Variants in ACSM2A observed in about 807,000 individuals in gnomAD.
The protein encoded by ACSM2A is acyl-CoA synthetase medium chain family member 2A, also known as acyl-coenzyme A synthetase ACSM2A, mitochondrial.
A neutral mutation model predicts 76.6 loss-of-function variants in ACSM2A; 72 were observed. The observed-to-expected ratio is 0.94, with a 90% confidence interval of 0.78 to 1.14. The LOEUF (loss-of-function observed/expected upper bound fraction) is 1.14. Ranked by LOEUF, ACSM2A falls within the 50% of genes most tolerant of loss-of-function variation. ACSM2A has a pLI of 0.00. For missense variants in ACSM2A, 684 were observed against 708.5 expected (o/e 0.97, Z 0.39); for synonymous variants, 249 against 255.9 (o/e 0.97, Z 0.26).
rs2014039558 is a variant in ACSM2A, at chr16:20,480,813, C to A, written c.1410-9C>A. On this transcript the variant is annotated splice_polypyrimidine_tract_variant and intron_variant, in intron 11 of 13. Transcript: ENST00000573854. ...TCCAGTGTTCTCTGAAGGACAGGTT[C>A]TTCTGCAGGTACCGGATTGGACCCT... 6.2e-7 allele frequency: 1 copy of A among 1,613,914 alleles called. No homozygotes were observed. The highest frequency in any genetic ancestry group is 8.5e-7 in the Non-Finnish European group (1 of 1,179,854).
At chr16:20,473,219 T>A (rs1333106724) in intron 6 of ACSM2A, among the ~76,000 whole-genome samples, 1 of 152,166 alleles carries the variant, frequency 6.6e-6, no homozygotes, top group Non-Finnish European at 1.5e-5. Flanking sequence ...TCAGGTGTGA[T>A]CTGGATTTTC....
At position 20,469,600 on chromosome 16, in the gene ACSM2A, T is replaced by C. The variant is rs1167525733; in HGVS notation, c.477T>C (p.Ala159=). ...TGTCTAAGGCCAAGGCTATTGTTGC[T>C]GGGGATGAAGTCATCCAAGAAGTGG... ...LQMSKAKAIV[A]GDEVIQEVDT... The change falls in exon 4 of 14, where the codon GCT becomes GCC. Residue 159 remains alanine, a synonymous_variant. Coordinates refer to ENST00000573854, the MANE Select transcript of ACSM2A (RefSeq NM_001308172.2). The C allele has an allele frequency of 1.9e-6, 3 of 1,613,820 alleles. No homozygotes were observed. In the African/African-American group the frequency reaches 4.0e-5, roughly 22 times the overall value.
chr16:20,486,698 T>C lies in ACSM2A; in HGVS notation c.*20T>C, dbSNP rs1312087729. The C allele has an allele frequency of 3.7e-6, 6 of 1,612,988 alleles. No homozygotes were observed. Among genetic ancestry groups the C allele is most frequent in the Non-Finnish European group, 5.1e-6 (6 of 1,178,994 alleles). On this transcript the variant is annotated 3_prime_UTR_variant, in exon 14 of 14. Coordinates refer to ENST00000573854, the MANE Select transcript of ACSM2A (RefSeq NM_001308172.2). ...CAGTGAGACATCTAAGAGACATTCA[T>C]TTGGATTCCCCTCTTCTTTCTCTTT...
chr16:20,471,493 A>G (rs368393182), intron 5 of ACSM2A, 43 bp from the exon 6 acceptor site: 59 of 1,582,674 alleles, frequency 3.7e-5, no homozygotes, highest in Non-Finnish European at 4.7e-5. Context: ...CATCCTAAGC[A>G]TGCACCCACC....
intron 6 of ACSM2A, among the ~76,000 whole-genome samples, chr16:20,474,744 T>C (rs551826674): frequency 6.6e-6 from 1 of 152,150 alleles, no homozygotes; most frequent in Non-Finnish European, 1.5e-5. Flanking sequence ...ATCATGGGTT[T>C]CCCCTCTGTA....
chr16:20,475,221 C>T (rs1302956899), intron 6 of ACSM2A, 141 bp from the exon 7 acceptor site: 1 of 1,542,610 alleles, frequency 6.5e-7, no homozygotes, highest in Admixed American at 1.9e-5. Flanking sequence ...GCTCATTTAA[C>T]CTGAATCAGA....
intron 1 of ACSM2A, among the ~76,000 whole-genome samples, chr16:20,456,031 C>T (rs2012133339): frequency 6.7e-6 from 1 of 149,168 alleles, no homozygotes; most frequent in Non-Finnish European, 1.5e-5. Context: ...ACTTTAAAGC[C>T]ACAGCAGTTA....
chr16:20,461,957 A>G (rs2012649863), intron 2 of ACSM2A, among the ~76,000 whole-genome samples: 4 of 152,156 alleles, frequency 2.6e-5, no homozygotes, highest in Admixed American at 1.3e-4. Context: ...ATTGCTTAGG[A>G]ATGAAATTAT....
chr16:20,482,799 T>C (rs528592611), intron 12 of ACSM2A: 53 of 321,788 alleles, frequency 1.6e-4, no homozygotes, highest in African/African-American at 9.0e-4. Flanking sequence ...TCTTTCTCCT[T>C]ATCTGTCTCT....
At chr16:20,462,406 A>T (rs1047408218) in intron 2 of ACSM2A, among the ~76,000 whole-genome samples, 3 of 152,176 alleles carry the variant, frequency 2.0e-5, no homozygotes, top group Non-Finnish European at 4.4e-5. Context: ...GTTAAATTAT[A>T]AACTAAATTC....
rs112008541 is a variant in ACSM2A at position 20,455,178 on chromosome 16, C to A, written c.-9+3497C>A. ...AATGATCAAATCTAAGAATAATTGG[C>A]ATCCTTGAGATAGAAGAGACATCTA... On this transcript the variant is annotated intron_variant, in intron 1 of 13. Transcript: ENST00000573854. 8.7e-3 allele frequency among the ~76,000 whole-genome samples: 1,319 copies of A among 151,352 alleles called. 12 individuals carry two copies. The highest frequency in any genetic ancestry group is 0.028 in the African/African-American group (1,174 of 41,248).
At chr16:20,459,524 C>A (rs2012472991) in intron 1 of ACSM2A, among the ~76,000 whole-genome samples, 1 of 152,180 alleles carries the variant, frequency 6.6e-6, no homozygotes, top group South Asian at 2.1e-4. Context: ...CAGCTCAACT[C>A]CACATTTCTT....
chr16:20,483,127 C>G lies in ACSM2A; in HGVS notation c.1579C>G (p.Leu527Val). The change falls in exon 13 of 14, where the codon CTG becomes GTG. Residue 527 changes from leucine (L) to valine (V), a missense_variant. By Grantham distance (32) the Leu-to-Val change is conservative (BLOSUM62 1). Coordinates refer to ENST00000573854, the MANE Select transcript of ACSM2A (RefSeq NM_001308172.2). Reference protein sequence around the residue: ...SHDPEQLTKELQQHVKSVTAP... With the variant: ...SHDPEQLTKEVQQHVKSVTAP... The stretch of plus-strand genomic sequence containing the variant: ...TGACCCAGAACAGCTCACCAAGGAG[C>G]TGCAGCAGCATGTGAAGTCAGTGAC... 6.2e-7 allele frequency: 1 copy of G among 1,614,080 alleles called. No individual in the cohort carries two copies. Among genetic ancestry groups the G allele is most frequent in the South Asian group, 1.1e-5 (1 of 91,080 alleles).
At chr16:20,478,048 C>G (rs770591546) in intron 9 of ACSM2A, among the ~76,000 whole-genome samples, 6 of 152,206 alleles carry the variant, frequency 3.9e-5, no homozygotes, top group Admixed American at 6.5e-5. Context: ...AACTTAGACT[C>G]TATTCAGTGT....
At chr16:20,470,592 T>A (rs1349858601) in intron 4 of ACSM2A, among the ~76,000 whole-genome samples, 5 of 152,266 alleles carry the variant, frequency 3.3e-5, no homozygotes, top group Middle Eastern at 3.4e-3. Context: ...ATCAGGACAC[T>A]GGAGATGTCC....
intron 1 of ACSM2A, among the ~76,000 whole-genome samples, chr16:20,456,346 C>T (rs2141681338): frequency 7.2e-6 from 1 of 138,864 alleles, no homozygotes; most frequent in Non-Finnish European, 1.5e-5. Flanking sequence ...CCATGGAATA[C>T]ACATTTTATT....
chr16:20,460,620 G>T (rs1162142651), intron 2 of ACSM2A, among the ~76,000 whole-genome samples: 1 of 150,710 alleles, frequency 6.6e-6, no homozygotes, highest in Non-Finnish European at 1.5e-5. Context: ...TAGAAGAGGC[G>T]GGTTTGAATC....
chr16:20,482,539 A>T (rs1053285922), intron 12 of ACSM2A: 1 of 157,744 alleles, frequency 6.3e-6, no homozygotes, highest in African/African-American at 2.4e-5. Context: ...TGGTACGTAC[A>T]GAATACATCA....
chr16:20,457,266 C>T (rs1228401474), intron 1 of ACSM2A, among the ~76,000 whole-genome samples: 7 of 151,992 alleles, frequency 4.6e-5, no homozygotes, highest in East Asian at 3.9e-4. Context: ...CCAATCCTAT[C>T]GACGCTATTC....
Sources: gnomAD v4.1 joint callset for allele counts (sites outside exome capture counted in the v4.1 genomes callset) on GRCh38, gnomAD v4.1.1 for gene constraint, MANE v1.5 for transcripts, NCBI Gene and HGNC (gene_info 2026-07-23, HGNC 2026-07-21) for gene names.